Variants in SCFD2 observed in about 807,000 individuals in gnomAD.
SCFD2 encodes sec1 family domain containing 2.
In SCFD2, 54 loss-of-function variants were observed where a neutral mutation model predicts 58.9. The ratio of observed to expected loss-of-function variants is 0.92; its 90% CI spans 0.74 to 1.15. The LOEUF (loss-of-function observed/expected upper bound fraction) is 1.15, where lower values mean the gene tolerates loss of function less well. Among genes scored for constraint, SCFD2 ranks in the 50% most tolerant of loss-of-function variants. SCFD2 has a pLI of 0.00. For synonymous variants in SCFD2, 321 were observed against 335.9 expected (o/e 0.96, Z 0.49); for missense variants, 805 against 836.6 (o/e 0.96, Z 0.47).
intron 4 of SCFD2, among the ~76,000 whole-genome samples, chr4:53,162,705 G>C (rs1008282727): frequency 6.6e-6 from 1 of 151,768 alleles, no homozygotes; most frequent in Non-Finnish European, 1.5e-5. Flanking sequence ...GTTGTGGGGT[G>C]GGGGGAGTGG....
chr4:53,256,625 G>A (rs1229710215), intron 4 of SCFD2, among the ~76,000 whole-genome samples: 1 of 152,060 alleles, frequency 6.6e-6, no homozygotes, highest in African/African-American at 2.4e-5. Context: ...CTGCAATCCC[G>A]GCACCTCGGG....
At chr4:52,967,103 T>C (rs1720980849) in intron 5 of SCFD2, among the ~76,000 whole-genome samples, 1 of 152,216 alleles carries the variant, frequency 6.6e-6, no homozygotes, top group South Asian at 2.1e-4. Flanking sequence ...CATACAATAT[T>C]TGTCCTTTTA....
chr4:52,985,931 A>AT (rs1051912008), intron 5 of SCFD2, among the ~76,000 whole-genome samples: 20 of 151,384 alleles, frequency 1.3e-4, no homozygotes, highest in Admixed American at 1.1e-3. Context: ...GTATATGGAC[A>AT]TTTTTTTTTA....
intron 4 of SCFD2, among the ~76,000 whole-genome samples, chr4:53,216,029 G>A (rs929331002): frequency 1.3e-4 from 20 of 152,298 alleles, no homozygotes; most frequent in African/African-American, 4.1e-4. Flanking sequence ...TTCTTGATGT[G>A]CTGCTGGATT....
chr4:53,264,219 A>G (rs1169748866), intron 4 of SCFD2, among the ~76,000 whole-genome samples: 1 of 152,202 alleles, frequency 6.6e-6, no homozygotes, highest in African/African-American at 2.4e-5. Context: ...TCCCCAGACC[A>G]CCAGCCTCTC....
chr4:53,288,717 T>A (rs912677041), intron 3 of SCFD2, among the ~76,000 whole-genome samples: 1 of 152,218 alleles, frequency 6.6e-6, no homozygotes, highest in African/African-American at 2.4e-5. Flanking sequence ...CTGAGGGAAT[T>A]CATCATTACT....
chr4:52,915,322 A>C (rs1016815495), intron 6 of SCFD2, among the ~76,000 whole-genome samples: 3 of 152,142 alleles, frequency 2.0e-5, no homozygotes, highest in African/African-American at 7.2e-5. Context: ...GATAGTGAAG[A>C]TGTCTGCTTC....
chr4:53,199,917 G>A (rs567251323), intron 4 of SCFD2, among the ~76,000 whole-genome samples: 38 of 152,098 alleles, frequency 2.5e-4, no homozygotes, highest in African/African-American at 9.2e-4. Context: ...ACATGGCAGA[G>A]AGAAGGAGGG....
intron 5 of SCFD2, among the ~76,000 whole-genome samples, chr4:53,044,512 T>C (rs1722978963): frequency 6.6e-6 from 1 of 151,500 alleles, no homozygotes; most frequent in Non-Finnish European, 1.5e-5. Context: ...CTTCCTTCCT[T>C]CCTTCCTCCC....
intron 4 of SCFD2, among the ~76,000 whole-genome samples, chr4:53,202,219 G>C (rs934038889): frequency 2.0e-5 from 3 of 152,120 alleles, no homozygotes; most frequent in African/African-American, 4.8e-5. Context: ...GTAAGGAAGG[G>C]ATCCAGTTTC....
chr4:52,959,927 T>TACACACACACACACACACACACAC lies in SCFD2; in HGVS notation c.1562-39058_1562-39057insGTGTGTGTGTGTGTGTGTGTGTGT, dbSNP rs773748716. ...ACACACACACACACACACACACACT[T>TACACACACACACACACACACACAC]GAATCACCTATACAGAAGAAAACAG... On this transcript the variant is annotated intron_variant, in intron 5 of 8. Coordinates refer to ENST00000401642, the MANE Select transcript of SCFD2 (RefSeq NM_152540.4). Among the ~76,000 whole-genome samples, 169 of 116,086 alleles carry TACACACACACACACACACACACAC rather than the reference T, an allele frequency of 1.5e-3. 1 individual carries two copies. Among genetic ancestry groups the TACACACACACACACACACACACAC allele is most frequent in the South Asian group, 9.1e-3 (31 of 3,398 alleles). 76.2% of individuals were successfully genotyped at this position (116,086 alleles called of 152,430 possible). A position where few individuals can be genotyped will look rare whatever the true frequency, so the allele number is the denominator to read the frequency against.
chr4:53,349,394 C>T (rs1470726684), intron 2 of SCFD2, among the ~76,000 whole-genome samples: 3 of 152,254 alleles, frequency 2.0e-5, no homozygotes, highest in East Asian at 3.8e-4. Context: ...CTGCTCCTCT[C>T]TGCAGTTCTC....
At chr4:53,253,531 C>T (rs1406807721) in intron 4 of SCFD2, among the ~76,000 whole-genome samples, 1 of 151,982 alleles carries the variant, frequency 6.6e-6, no homozygotes, top group African/African-American at 2.4e-5. Context: ...AAATGTGGCA[C>T]ATATACACCA....
chr4:53,237,744 G>A (rs866593737), intron 4 of SCFD2, among the ~76,000 whole-genome samples: 16 of 96,878 alleles, frequency 1.7e-4, no homozygotes, highest in South Asian at 3.9e-4. Flanking sequence ...CTCACCTCCC[G>A]GACGGGGCGG....
In SCFD2 at chr4:53,349,024, G is replaced by A. The variant is rs188888278; in HGVS notation, c.1007+3574C>T. ...GTGTGATTTTTGAATGGCACTCAAA[G>A]CTCATAATCTATGATAACACTCACT... is the stretch of plus-strand genomic sequence containing the variant. On this transcript the variant is annotated intron_variant, in intron 2 of 8. Coordinates refer to ENST00000401642, the MANE Select transcript of SCFD2 (RefSeq NM_152540.4). Among the ~76,000 whole-genome samples the A allele has an allele frequency of 2.6e-5, 4 of 152,222 alleles. No individual in the cohort carries two copies. In the East Asian group the frequency reaches 7.7e-4, roughly 29 times the overall value.
intron 4 of SCFD2, among the ~76,000 whole-genome samples, chr4:53,270,017 C>T (rs1024504491): frequency 3.9e-5 from 6 of 152,004 alleles, no homozygotes; most frequent in Admixed American, 1.3e-4. Flanking sequence ...CAGAGCAAGA[C>T]CTGTCTCAAA....
intron 4 of SCFD2, among the ~76,000 whole-genome samples, chr4:53,176,084 T>C (rs1364670827): frequency 1.3e-5 from 2 of 152,200 alleles, no homozygotes; most frequent in East Asian, 1.9e-4. Context: ...TCTCATTCAA[T>C]TGAGAAAGTG....
At chr4:52,885,124 G>A (rs1031799247) in intron 8 of SCFD2, among the ~76,000 whole-genome samples, 43 of 152,178 alleles carry the variant, frequency 2.8e-4, no homozygotes, top group African/African-American at 1.0e-3. Context: ...GGGCCTGACA[G>A]GAGGTATAGA....
chr4:52,912,440 C>T (rs1216742999), intron 6 of SCFD2, among the ~76,000 whole-genome samples: 1 of 151,706 alleles, frequency 6.6e-6, no homozygotes, highest in East Asian at 1.9e-4. Flanking sequence ...TAATTGTAAC[C>T]AAAAGCATAG....
Sources: allele counts gnomAD v4.1 joint callset (sites outside exome capture counted in the v4.1 genomes callset), GRCh38; gene constraint gnomAD v4.1.1; transcripts MANE v1.5; gene names NCBI Gene and HGNC (gene_info 2026-07-23, HGNC 2026-07-21).